Variants in ATL1 observed in about 807,000 individuals in gnomAD.
ATL1 encodes the protein atlastin GTPase 1, also known as atlastin-1.
ATL1 carries 31 observed loss-of-function variants against 75.5 expected under a neutral mutation model. That is an observed-to-expected ratio of 0.41 (90% CI 0.31 to 0.55). ATL1 has a LOEUF of 0.55. ATL1 is among the 20% of genes least tolerant of loss of function. ATL1 has a pLI of 0.27. For missense variants in ATL1, 405 were observed against 662.6 expected, an observed-to-expected ratio of 0.61 and a Z score of 4.27; for synonymous variants, 226 against 233.3, an observed-to-expected ratio of 0.97 and a Z score of 0.28.
At chr14:50,549,624 C>A (rs116573272) in intron 1 of ATL1, among the ~76,000 whole-genome samples, 1 of 152,274 alleles carries the variant, frequency 6.6e-6, no homozygotes, top group African/African-American at 2.4e-5. Context: ...CTCTTAGTTT[C>A]ATATATGGCA....
intron 13 of ATL1, among the ~76,000 whole-genome samples, chr14:50,630,679 C>A (rs1343216895): frequency 1.3e-5 from 2 of 152,190 alleles, no homozygotes; most frequent in Non-Finnish European, 2.9e-5. Flanking sequence ...AGAGATAATT[C>A]TTTCCTCAGT....
chr14:50,616,899 G>A lies in ATL1; in HGVS notation c.862+2388G>A, dbSNP rs573189100. On this transcript the variant is annotated intron_variant, in intron 8 of 13. Transcript: ENST00000358385. Reference sequence around the variant, plus strand: ...TATCTACATTATTTTTCTGTCCCACGCTGAATCTTACAATTTGGTGTGATT... The same window carrying A: ...TATCTACATTATTTTTCTGTCCCACACTGAATCTTACAATTTGGTGTGATT... Among the ~76,000 whole-genome samples the A allele has an allele frequency of 3.9e-5, 6 of 152,224 alleles. No individual in the cohort carries two copies. The South Asian group carries it at 1.2e-3, about 32-fold the overall frequency.
chr14:50,582,787 G>T (rs917154919), intron 1 of ATL1, among the ~76,000 whole-genome samples: 2 of 151,940 alleles, frequency 1.3e-5, no homozygotes, highest in Admixed American at 1.3e-4. Flanking sequence ...GACAAAATAA[G>T]AAAGGAAAGT....
Position 50,583,365 on chromosome 14 carries a change from T to G in ATL1, c.35-4466T>G, listed in dbSNP as rs571641586. The stretch of plus-strand genomic sequence containing the variant: ...AAATTTTACAGGAAATAATAAAGTT[T>G]AGTAAATGCTTCAATATGAGACCAA... On this transcript the variant is annotated intron_variant, in intron 1 of 13. Coordinates refer to ENST00000358385, the MANE Select transcript of ATL1 (RefSeq NM_015915.5). Among the ~76,000 whole-genome samples the G allele has an allele frequency of 9.1e-4, 138 of 152,348 alleles. 1 individual carries two copies. Among genetic ancestry groups the G allele is most frequent in the Non-Finnish European group, 1.5e-3 (99 of 68,030 alleles).
In ATL1 at chr14:50,542,335, C is replaced by A. The variant is rs12880393; in HGVS notation, c.-140+8968C>A. On this transcript the variant is annotated intron_variant, in intron 1 of 13. Coordinates refer to the ATL1 transcript ENST00000441560. ...GGAGAGAGAGCACTAGGACAAATAC[C>A]TAATGCATACGGGACTTAAAACCTA... Among the ~76,000 whole-genome samples the A allele has an allele frequency of 7.2e-5, 11 of 152,028 alleles. No homozygotes were observed. In the South Asian group the frequency reaches 2.3e-3, roughly 32 times the overall value.
At chr14:50,574,959 A>ATTAT (rs1403922666) in intron 1 of ATL1, among the ~76,000 whole-genome samples, 1 of 135,838 alleles carries the variant, frequency 7.4e-6, no homozygotes, top group Non-Finnish European at 1.6e-5. Context: ...ATATATATAT[A>ATTAT]TATATATATA....
chr14:50,583,547 A>G (rs1406637092), intron 1 of ATL1, among the ~76,000 whole-genome samples: 1 of 152,238 alleles, frequency 6.6e-6, no homozygotes, highest in East Asian at 1.9e-4. Flanking sequence ...TTATAAAAAC[A>G]TTACCAAAGG....
intron 1 of ATL1, among the ~76,000 whole-genome samples, chr14:50,576,588 A>T (rs536287508): frequency 7.9e-5 from 12 of 152,274 alleles, no homozygotes; most frequent in African/African-American, 2.4e-4. Context: ...TGAAAAAAAA[A>T]TTTTAGAGAC....
intron 1 of ATL1, among the ~76,000 whole-genome samples, chr14:50,548,141 A>G (rs2038657786): frequency 6.6e-6 from 1 of 152,164 alleles, no homozygotes. Context: ...TTACCTGGTC[A>G]ACTAAGACAT....
At chr14:50,610,242 T>G (rs1157392885) in intron 6 of ATL1, among the ~76,000 whole-genome samples, 1 of 152,008 alleles carries the variant, frequency 6.6e-6, no homozygotes, top group Non-Finnish European at 1.5e-5. Context: ...TACATTCCAG[T>G]CAATATGAGA....
intron 5 of ATL1, among the ~76,000 whole-genome samples, chr14:50,594,122 A>T (rs2039189870): frequency 6.6e-6 from 1 of 152,208 alleles, no homozygotes; most frequent in African/African-American, 2.4e-5. Context: ...GGCCTCAGGA[A>T]ATTTACAGTC....
intron 1 of ATL1, among the ~76,000 whole-genome samples, chr14:50,554,748 G>A (rs181879314): frequency 6.6e-6 from 1 of 152,314 alleles, no homozygotes; most frequent in East Asian, 1.9e-4. Context: ...TGGATCTCTA[G>A]AGCTATCCTG....
At position 50,609,037 on chromosome 14, in the gene ATL1, C is replaced by A. The variant is rs185376718; in HGVS notation, c.631-4222C>A. Among the ~76,000 whole-genome samples, 10 of 152,006 alleles carry A rather than the reference C, an allele frequency of 6.6e-5. No individual in the cohort carries two copies. In the South Asian group the frequency reaches 2.1e-3, roughly 32 times the overall value. On this transcript the variant is annotated intron_variant, in intron 6 of 13. Coordinates refer to ENST00000358385, the MANE Select transcript of ATL1 (RefSeq NM_015915.5). ...TATGGGAGCAAGAAAGATCCATAAT[C>A]GCACGCCACTTAGAAGTGACCCTGT... is the stretch of plus-strand genomic sequence containing the variant.
chr14:50,570,616 C>G (rs1056610028), intron 1 of ATL1, among the ~76,000 whole-genome samples: 1 of 152,116 alleles, frequency 6.6e-6, no homozygotes, highest in African/African-American at 2.4e-5. Context: ...ATGTCATTTT[C>G]TTGACTTTCT....
rs2039121095 is a variant in ATL1 at position 50,588,186 on chromosome 14, A to AT, written c.282+109dup. 5 of 1,361,144 alleles carry AT rather than the reference A, an allele frequency of 3.7e-6. No homozygotes were observed. The South Asian group carries it at 6.2e-5, about 17-fold the overall frequency. The allele number at this position is 1,361,144 out of a possible 1,614,324, so 84.3% of individuals were successfully genotyped here. A position where few individuals can be genotyped will look rare whatever the true frequency, so the allele number is the denominator to read the frequency against. Reference sequence around the variant, plus strand: ...TCATTTCTATTATTATGTACCCTATATATGAACCAGCTAAAGAAATGCTGT... The same window carrying AT: ...TCATTTCTATTATTATGTACCCTATATTATGAACCAGCTAAAGAAATGCTGT... On this transcript the variant is annotated intron_variant, in intron 2 of 13. Transcript: ENST00000358385.
At chr14:50,564,888 T>C (rs1399107795) in intron 1 of ATL1, among the ~76,000 whole-genome samples, 1 of 152,104 alleles carries the variant, frequency 6.6e-6, no homozygotes, top group East Asian at 1.9e-4. Context: ...ATCTTCTTTC[T>C]TTTCCAGTTG....
At chr14:50,609,899 G>C (rs576697512) in intron 6 of ATL1, among the ~76,000 whole-genome samples, 1 of 151,658 alleles carries the variant, frequency 6.6e-6, no homozygotes, top group African/African-American at 2.4e-5. Flanking sequence ...GATTTTTTTT[G>C]TTCGTGATAC....
intron 1 of ATL1, among the ~76,000 whole-genome samples, chr14:50,572,326 T>C (rs939072862): frequency 6.6e-6 from 1 of 152,188 alleles, no homozygotes; most frequent in Non-Finnish European, 1.5e-5. Context: ...AGAAAACTAG[T>C]CTATTAAACC....
At position 50,574,959 on chromosome 14, in the gene ATL1, A is replaced by ATTATTAT. The variant is rs1403922666; in HGVS notation, c.35-12871_35-12870insTATTATT. 5.0e-3 allele frequency among the ~76,000 whole-genome samples: 676 copies of ATTATTAT among 135,818 alleles called. 9 individuals carry two copies. Among genetic ancestry groups the ATTATTAT allele is most frequent in the Non-Finnish European group, 8.3e-3 (522 of 62,794 alleles). 89.1% of individuals were successfully genotyped at this position (135,818 alleles called of 152,430 possible). A position where few individuals can be genotyped will look rare whatever the true frequency, so the allele number is the denominator to read the frequency against. On this transcript the variant is annotated intron_variant, in intron 1 of 13. Transcript: ENST00000358385. ...TGTGTATATATATATATATATATAT[A>ATTATTAT]TATATATATATATATATTAGCTTTT...
Sources: allele counts gnomAD v4.1 joint callset (sites outside exome capture counted in the v4.1 genomes callset), GRCh38; gene constraint gnomAD v4.1.1; transcripts MANE v1.5; gene names NCBI Gene and HGNC (gene_info 2026-07-23, HGNC 2026-07-21).